ZNG1E: variants seen among roughly 807,000 people sequenced by gnomAD.
ZNG1E encodes the protein Zn regulated GTPase metalloprotein activator 1E.
the ZNG1E span, among the ~76,000 whole-genome samples, chr9:65,720,966 T>G: frequency 7.3e-6 from 1 of 137,286 alleles, no homozygotes; most frequent in African/African-American, 2.9e-5. Flanking sequence ...GAGATAGAAT[T>G]TATGGTAAAA....
chr9:65,733,891 TATA>T, the ZNG1E span: 2 of 93,120 alleles, frequency 2.1e-5, 1 homozygote, highest in African/African-American at 1.3e-4. Flanking sequence ...CATGAAAGTT[TATA>T]ATAATGATGA....
chr9:65,659,971 G>T, the ZNG1E span, among the ~76,000 whole-genome samples: 1 of 149,930 alleles, frequency 6.7e-6, no homozygotes, highest in Non-Finnish European at 1.5e-5. Context: ...AGATATGCAA[G>T]GTCTCAAAGA....
At chr9:65,714,953 T>G in the ZNG1E span, among the ~76,000 whole-genome samples, 25 of 150,974 alleles carry the variant, frequency 1.7e-4, no homozygotes, top group African/African-American at 4.6e-4. Context: ...GCTGCTTTGT[T>G]TACCTAAGCA....
chr9:65,680,948 C>A, the ZNG1E span, among the ~76,000 whole-genome samples: 10 of 152,336 alleles, frequency 6.6e-5, no homozygotes, highest in Middle Eastern at 0.01. Context: ...GCTACCACAC[C>A]TGGCTAATTT....
At chr9:65,671,586 C>T in the ZNG1E span, among the ~76,000 whole-genome samples, 2 of 152,212 alleles carry the variant, frequency 1.3e-5, no homozygotes, top group Non-Finnish European at 2.9e-5. Flanking sequence ...TTCCAAAGTG[C>T]TGGGATTACA....
the ZNG1E span, among the ~76,000 whole-genome samples, chr9:65,655,305 G>A: frequency 6.6e-6 from 1 of 152,214 alleles, no homozygotes; most frequent in African/African-American, 2.4e-5. Context: ...ACATAATGAA[G>A]TGGAAAGTGG....
the ZNG1E span, among the ~76,000 whole-genome samples, chr9:65,664,321 G>A: frequency 2.0e-5 from 3 of 150,066 alleles, no homozygotes; most frequent in East Asian, 1.9e-4. Flanking sequence ...CATGTGTTGT[G>A]GGGGGACCCG....
At chr9:65,713,926 T>C in the ZNG1E span, among the ~76,000 whole-genome samples, 2 of 151,212 alleles carry the variant, frequency 1.3e-5, no homozygotes, top group African/African-American at 4.9e-5. Flanking sequence ...GGGGAAGTTC[T>C]CCTGGATGAT....
At chr9:65,678,142 TTC>T in the ZNG1E span, among the ~76,000 whole-genome samples, 1 of 151,344 alleles carries the variant, frequency 6.6e-6, no homozygotes, top group African/African-American at 2.4e-5. Flanking sequence ...CTAGTAAATC[TTC>T]TCTTAGAAGA....
the ZNG1E span, among the ~76,000 whole-genome samples, chr9:65,674,401 A>G: frequency 6.6e-6 from 1 of 152,418 alleles, no homozygotes; most frequent in South Asian, 2.1e-4. Flanking sequence ...AGGAAGGAAA[A>G]GTCAACCTTT....
chr9:65,678,032 A>G, the ZNG1E span, among the ~76,000 whole-genome samples: 1 of 150,960 alleles, frequency 6.6e-6, no homozygotes, highest in African/African-American at 2.4e-5. Flanking sequence ...CTTTTTCACC[A>G]AGGCCCAGCA....
chr9:65,662,146 A>G, the ZNG1E span, among the ~76,000 whole-genome samples: 1 of 152,254 alleles, frequency 6.6e-6, no homozygotes, highest in South Asian at 2.1e-4. Flanking sequence ...TGCAACATCA[A>G]CTTGTAGTAT....
the ZNG1E span, among the ~76,000 whole-genome samples, chr9:65,715,017 T>A: frequency 6.7e-6 from 1 of 149,618 alleles, no homozygotes; most frequent in African/African-American, 2.5e-5. Context: ...CCTTGCAGTT[T>A]GATCTCAGAC....
chr9:65,685,131 ATACCT>A, the ZNG1E span, among the ~76,000 whole-genome samples: 1 of 152,248 alleles, frequency 6.6e-6, no homozygotes, highest in African/African-American at 2.4e-5. Flanking sequence ...AAAAACATAC[ATACCT>A]TAATTAAAAA....
At chr9:65,710,485 T>C in the ZNG1E span, among the ~76,000 whole-genome samples, 28 of 149,220 alleles carry the variant, frequency 1.9e-4, no homozygotes, top group African/African-American at 5.0e-4. Context: ...TTTATGGTTT[T>C]AGGTCAAACG....
the ZNG1E span, among the ~76,000 whole-genome samples, chr9:65,726,488 TA>T: frequency 5.9e-3 from 141 of 23,850 alleles, 4 homozygotes; most frequent in African/African-American, 0.013. Flanking sequence ...GTAAGGATAT[TA>T]AAAAAAAAAA....
chr9:65,667,115 C>G, the ZNG1E span, among the ~76,000 whole-genome samples: 1 of 152,264 alleles, frequency 6.6e-6, no homozygotes, highest in Non-Finnish European at 1.5e-5. Flanking sequence ...GCCACCGTAC[C>G]CGGCCCACCA....
At chr9:65,663,962 C>T in the ZNG1E span, among the ~76,000 whole-genome samples, 4 of 148,164 alleles carry the variant, frequency 2.7e-5, no homozygotes, top group South Asian at 2.2e-4. Flanking sequence ...TATCAGCATA[C>T]ATATATATAT....
the ZNG1E span, among the ~76,000 whole-genome samples, chr9:65,691,680 A>G: frequency 2.6e-5 from 4 of 152,238 alleles, no homozygotes; most frequent in Non-Finnish European, 1.5e-5. Flanking sequence ...CCTCCAGGCA[A>G]TATGAGGATC....
Sources: gnomAD v4.1 joint callset for allele counts (sites outside exome capture counted in the v4.1 genomes callset) on GRCh38, gnomAD v4.1.1 for gene constraint, MANE v1.5 for transcripts, NCBI Gene and HGNC (gene_info 2026-07-23, HGNC 2026-07-21) for gene names.